SPG11: variants seen among roughly 807,000 people sequenced by gnomAD.
SPG11 encodes SPG11 vesicle trafficking associated, spatacsin, also known as spatacsin.
In SPG11, 222 loss-of-function variants were observed where a neutral mutation model predicts 274.0. The ratio of observed to expected loss-of-function variants is 0.81; its 90% CI spans 0.73 to 0.91. The LOEUF (loss-of-function observed/expected upper bound fraction) is 0.91, where lower values mean the gene tolerates loss of function less well. Ranked by LOEUF, SPG11 falls within the 40% of genes least tolerant of loss-of-function variation. The pLI, the probability that SPG11 is intolerant of heterozygous loss-of-function variation, is 0.00. For synonymous variants in SPG11, 1,144 were observed against 1,039.7 expected, an observed-to-expected ratio of 1.10 and a Z score of -1.93; for missense variants, 3,114 against 2,872.7, an observed-to-expected ratio of 1.08 and a Z score of -1.92.
At position 44,628,747 on chromosome 15, in the gene SPG11, A is replaced by G. The variant is rs1321387321; in HGVS notation, c.1989T>C (p.Asp663=). The change falls in exon 10 of 40, where the codon GAT becomes GAC. Residue 663 remains aspartate, a synonymous_variant. Transcript: ENST00000261866. ...FMIKFPWKLT[D]AIDEYDVHEN... ...CATGTACATCATATTCATCTATAGC[A>G]TCTGTTAGCTTCCAAGGAAACTTTA... 6.2e-7 allele frequency: 1 copy of G among 1,613,562 alleles called. No individual in the cohort carries two copies. Among genetic ancestry groups the G allele is most frequent in the Non-Finnish European group, 8.5e-7 (1 of 1,179,810 alleles).
intron 3 of SPG11, 81 bp downstream of exon 3, chr15:44,658,998 A>G: frequency 7.2e-7 from 1 of 1,396,630 alleles, no homozygotes; most frequent in East Asian, 2.3e-5. Context: ...CCAGCTCCCA[A>G]AACTAAAGCC....
Position 44,589,424 on chromosome 15 carries a change from A to T in SPG11, c.4744-10T>A. 6.2e-7 allele frequency: 1 copy of T among 1,614,032 alleles called. No homozygotes were observed. ...TGGCTGCTGTGTTAAGCTATGAAAG[A>T]AAAAGAGAAGCTTAGGGAAAGCAGT... On this transcript the variant is annotated splice_polypyrimidine_tract_variant and intron_variant, in intron 27 of 39. Coordinates refer to ENST00000261866, the MANE Select transcript of SPG11 (RefSeq NM_025137.4).
chr15:44,594,834 T>G (rs1326194633), intron 26 of SPG11, among the ~76,000 whole-genome samples: 2 of 152,182 alleles, frequency 1.3e-5, no homozygotes, highest in Non-Finnish European at 2.9e-5. Context: ...TGTTGTTGTT[T>G]TTGAGACAGT....
chr15:44,580,771 C>T (rs549979317), intron 30 of SPG11, among the ~76,000 whole-genome samples: 3 of 152,272 alleles, frequency 2.0e-5, no homozygotes, highest in South Asian at 2.1e-4. Context: ...AGCCTGGTGA[C>T]AAAGCGAGAC....
In SPG11 at chr15:44,629,389, C is replaced by T. The variant is rs777476809; in HGVS notation, c.1736-1G>A. 1 of 1,613,854 alleles carries T rather than the reference C, an allele frequency of 6.2e-7. No homozygotes were observed. ...AATGCTGGTATCAGCTCTTCCACATCTGAGAAAGAACCAAAGAAATTAACA... is the reference window on the plus strand; with the variant it reads ...AATGCTGGTATCAGCTCTTCCACATTTGAGAAAGAACCAAAGAAATTAACA... On this transcript the variant is annotated splice_acceptor_variant, in intron 8 of 39. Transcript: ENST00000261866. LOFTEE classifies it high-confidence loss of function.
chr15:44,581,349 G>C (rs749564189), intron 30 of SPG11, among the ~76,000 whole-genome samples: 1 of 151,970 alleles, frequency 6.6e-6, no homozygotes, highest in African/African-American at 2.4e-5. Flanking sequence ...TGGGACTACA[G>C]GCATGTGCCA....
rs758584576 is a variant in SPG11 at position 44,598,355 on chromosome 15, A to G, written c.3911T>C (p.Leu1304Pro). 6.2e-7 allele frequency: 1 copy of G among 1,614,000 alleles called. No homozygotes were observed. The highest frequency in any genetic ancestry group is 1.1e-5 in the South Asian group (1 of 91,078). The change falls in exon 23 of 40, where the codon CTA becomes CCA. Residue 1304 changes from leucine (L) to proline (P), a missense_variant. Transcript: ENST00000261866. ...RESVAEKLSKLADGEKTTTEE... is the reference protein window; with the variant it reads ...RESVAEKLSKPADGEKTTTEE... ...TGTGGTTGTCTTTTCACCATCAGCT[A>G]GTTTAGATAGTTTTTCGGCTGTAAG...
chr15:44,583,684 G>A lies in SPG11; in HGVS notation c.5866+130C>T, dbSNP rs1265040258. The stretch of plus-strand genomic sequence containing the variant: ...TGCCTAGTTAATTGGCTAGTCTACA[G>A]ATTACCTGGAAAAAAGTTGTTGTCC... On this transcript the variant is annotated intron_variant, in intron 30 of 39. Coordinates refer to ENST00000261866, the MANE Select transcript of SPG11 (RefSeq NM_025137.4). The A allele has an allele frequency of 7.0e-6, 8 of 1,148,160 alleles. No homozygotes were observed. The East Asian group carries it at 1.9e-4, about 27-fold the overall frequency. 71.1% of individuals were successfully genotyped at this position (1,148,160 alleles called of 1,614,324 possible). A position where few individuals can be genotyped will look rare whatever the true frequency, so the allele number is the denominator to read the frequency against.
At chr15:44,570,474 A>C (rs1168907207) in intron 34 of SPG11, 51 bp downstream of exon 34, 11 of 1,612,208 alleles carry the variant, frequency 6.8e-6, no homozygotes, top group Non-Finnish European at 7.6e-6. Context: ...CCTTTCTACT[A>C]CTCTCAAAGG....
chr15:44,570,703 G>A, intron 33 of SPG11, 45 bp from the exon 34 acceptor site: 1 of 1,602,360 alleles, frequency 6.2e-7, no homozygotes, highest in Non-Finnish European at 8.5e-7. Context: ...AACCCTGGCT[G>A]CCCACTGTCA....
chr15:44,647,787 G>A (rs541189461), intron 7 of SPG11, among the ~76,000 whole-genome samples: 2 of 152,268 alleles, frequency 1.3e-5, no homozygotes, highest in Non-Finnish European at 2.9e-5. Context: ...TAATGGTTAT[G>A]GACTTTCTTT....
In SPG11 at chr15:44,585,154, T is replaced by C. The variant is rs551444559; in HGVS notation, c.5121+482A>G. 1.4e-3 allele frequency among the ~76,000 whole-genome samples: 211 copies of C among 152,180 alleles called. 1 individual carries two copies. Among genetic ancestry groups the C allele is most frequent in the Non-Finnish European group, 2.5e-3 (167 of 68,012 alleles). On this transcript the variant is annotated intron_variant, in intron 29 of 39. Transcript: ENST00000261866. ...ATTTGCAGCACACATTTCTCAATCA[T>C]GGGAATTGTAGGCTCATCCATTTCT...
At chr15:44,583,660 GC>G (rs1413846582) in intron 30 of SPG11, among the ~76,000 whole-genome samples, 153 bp downstream of exon 30, 1 of 152,090 alleles carries the variant, frequency 6.6e-6, no homozygotes, top group Non-Finnish European at 1.5e-5. Flanking sequence ...CTATTTCATT[GC>G]CTAGTTAATT....
intron 30 of SPG11, among the ~76,000 whole-genome samples, chr15:44,579,250 C>A (rs532704030): frequency 6.8e-6 from 1 of 147,670 alleles, no homozygotes; most frequent in Non-Finnish European, 1.5e-5. Context: ...AGGGGCTGGG[C>A]GTGGTGGCTC....
At chr15:44,563,375 G>C in intron 39 of SPG11, 74 bp from the exon 40 acceptor site, 1 of 1,418,918 alleles carries the variant, frequency 7.0e-7, no homozygotes, top group Non-Finnish European at 9.9e-7. Flanking sequence ...GTCTTACTCT[G>C]TTGCCCAGGC....
intron 17 of SPG11, among the ~76,000 whole-genome samples, chr15:44,611,397 T>C (rs8038672): frequency 0.02 from 3,025 of 152,262 alleles, 104 homozygotes; most frequent in African/African-American, 0.069. Flanking sequence ...CATAAAACTA[T>C]ATAATTCACT....
In SPG11 at chr15:44,647,719, G is replaced by C. The variant is rs555427894; in HGVS notation, c.1602+1147C>G. The stretch of plus-strand genomic sequence containing the variant: ...GAAATGTCCAGAATAGAAAAATCCA[G>C]TCAGAAAGTAGATTGGTGTTTAAGA... On this transcript the variant is annotated intron_variant, in intron 7 of 39. Coordinates refer to ENST00000261866, the MANE Select transcript of SPG11 (RefSeq NM_025137.4). 3.3e-5 allele frequency among the ~76,000 whole-genome samples: 5 copies of C among 152,302 alleles called. No homozygotes were observed. The South Asian group carries it at 1.0e-3, about 32-fold the overall frequency.
In SPG11 at chr15:44,622,756, G is replaced by A; in HGVS notation, c.2288C>T (p.Thr763Ile). 2 of 1,613,636 alleles carry A rather than the reference G, an allele frequency of 1.2e-6. No individual in the cohort carries two copies. The highest frequency in any genetic ancestry group is 8.5e-7 in the Non-Finnish European group (1 of 1,179,738). Residue 763 changes from threonine (T) to isoleucine (I), a missense_variant, in exon 12 of 40, where the codon ACA becomes ATA. Transcript: ENST00000261866. ...AAAGTCACGTATATTTTTATTAGTT[G>A]TATAGAAGCAGATCTTGAGCAATTG... ...KGQLLKICFY[T>I]TNKNIRDFLV...
intron 8 of SPG11, among the ~76,000 whole-genome samples, chr15:44,632,738 G>C (rs2084108634): frequency 6.6e-6 from 1 of 151,826 alleles, no homozygotes; most frequent in Non-Finnish European, 1.5e-5. Flanking sequence ...CAAACTCCTA[G>C]ACTCAAGCGA....
Sources: gnomAD v4.1 joint callset for allele counts (sites outside exome capture counted in the v4.1 genomes callset) on GRCh38, gnomAD v4.1.1 for gene constraint, MANE v1.5 for transcripts, NCBI Gene and HGNC (gene_info 2026-07-23, HGNC 2026-07-21) for gene names.